CCSER1: variants seen among roughly 807,000 people sequenced by gnomAD.
CCSER1 encodes the protein coiled-coil serine rich protein 1.
Under a neutral mutation model 82.0 loss-of-function variants are expected in CCSER1, and 41 were observed. The ratio of observed to expected loss-of-function variants is 0.50; its 90% CI spans 0.39 to 0.65. The LOEUF is 0.65. Among genes scored for constraint, CCSER1 ranks in the 30% least tolerant of loss-of-function variants. The pLI is 0.00. For missense variants in CCSER1, 1,119 were observed against 1,064.2 expected (o/e 1.05, Z -0.72); for synonymous variants, 414 against 383.9 (o/e 1.08, Z -0.92).
chr4:90,830,746 C>T (rs1761020478), intron 8 of CCSER1, among the ~76,000 whole-genome samples: 1 of 152,120 alleles, frequency 6.6e-6, no homozygotes, highest in Non-Finnish European at 1.5e-5. Flanking sequence ...CAGCCAAACA[C>T]ACCCTTCCTT....
intron 1 of CCSER1, among the ~76,000 whole-genome samples, chr4:90,247,964 T>C (rs1721741044): frequency 6.6e-6 from 1 of 152,110 alleles, no homozygotes; most frequent in Non-Finnish European, 1.5e-5. Context: ...CCAATATATC[T>C]TTTTTGGGTC....
At chr4:91,254,951 A>G (rs1267840940) in intron 10 of CCSER1, among the ~76,000 whole-genome samples, 1 of 152,076 alleles carries the variant, frequency 6.6e-6, no homozygotes, top group African/African-American at 2.4e-5. Flanking sequence ...CCATCATTCT[A>G]TTATCTCTAT....
intron 5 of CCSER1, among the ~76,000 whole-genome samples, chr4:90,470,005 T>G (rs1764154850): frequency 6.6e-6 from 1 of 152,206 alleles, no homozygotes; most frequent in South Asian, 2.1e-4. Context: ...GTTTCAGATT[T>G]TAGAACATTG....
chr4:90,827,516 C>T (rs1760622687), intron 8 of CCSER1, among the ~76,000 whole-genome samples: 1 of 152,164 alleles, frequency 6.6e-6, no homozygotes. Context: ...CCTACAGCCA[C>T]TTCTTCCAGC....
chr4:90,970,150 T>A (rs980508989), intron 9 of CCSER1, among the ~76,000 whole-genome samples: 2 of 151,730 alleles, frequency 1.3e-5, no homozygotes, highest in Non-Finnish European at 2.9e-5. Flanking sequence ...CCAGTAAAAA[T>A]AGATAGAGTG....
intron 4 of CCSER1, among the ~76,000 whole-genome samples, chr4:90,419,334 G>T (rs1756333270): frequency 6.6e-6 from 1 of 151,882 alleles, no homozygotes; most frequent in East Asian, 1.9e-4. Context: ...TAGTAATCCT[G>T]TCATACATTT....
Position 90,628,464 on chromosome 4 carries a change from T to C in CCSER1, c.1932+232T>C, listed in dbSNP as rs117515701. ...AGTTTACGAAATACTTAAAAAAGAATAAATTGATCCCAAGCATCCCCCTAT... is the reference window on the plus strand; with the variant it reads ...AGTTTACGAAATACTTAAAAAAGAACAAATTGATCCCAAGCATCCCCCTAT... On this transcript the variant is annotated intron_variant, in intron 6 of 10. Coordinates refer to ENST00000509176, the MANE Select transcript of CCSER1 (RefSeq NM_001145065.2). Among the ~76,000 whole-genome samples, 122 of 152,290 alleles carry C rather than the reference T, an allele frequency of 8.0e-4. 1 individual carries two copies. The East Asian group carries it at 0.017, about 21-fold the overall frequency.
At chr4:90,906,545 T>C (rs1052575115) in intron 8 of CCSER1, among the ~76,000 whole-genome samples, 5 of 152,038 alleles carry the variant, frequency 3.3e-5, no homozygotes, top group Non-Finnish European at 1.5e-5. Flanking sequence ...TTTATACACA[T>C]TGAAATTAAA....
chr4:91,472,831 T>G (rs984133041), intron 10 of CCSER1, among the ~76,000 whole-genome samples: 1 of 152,158 alleles, frequency 6.6e-6, no homozygotes, highest in Non-Finnish European at 1.5e-5. Flanking sequence ...GATGGATACT[T>G]TAGCTGCAAA....
At chr4:91,439,354 A>G (rs1291839432) in intron 10 of CCSER1, among the ~76,000 whole-genome samples, 1 of 152,148 alleles carries the variant, frequency 6.6e-6, no homozygotes, top group Non-Finnish European at 1.5e-5. Context: ...AGAATTTTCA[A>G]CCCAGAATTT....
chr4:90,408,416 A>G (rs555919313), intron 4 of CCSER1, among the ~76,000 whole-genome samples: 1 of 152,242 alleles, frequency 6.6e-6, no homozygotes, highest in East Asian at 1.9e-4. Flanking sequence ...ACACGGCCGG[A>G]TACTCCTCTG....
At position 90,745,676 on chromosome 4, in the gene CCSER1, ATCTTT is replaced by A. The variant is rs1747300008; in HGVS notation, c.2010+21687_2010+21691del. Among the ~76,000 whole-genome samples, 3 of 95,702 alleles carry A rather than the reference ATCTTT, an allele frequency of 3.1e-5. No homozygotes were observed. The East Asian group carries it at 1.1e-3, about 34-fold the overall frequency. 62.8% of individuals were successfully genotyped at this position (95,702 alleles called of 152,430 possible). A position where few individuals can be genotyped will look rare whatever the true frequency, so the allele number is the denominator to read the frequency against. The stretch of plus-strand genomic sequence containing the variant: ...CTGAATTACACAAGCTATTTCTTTT[ATCTTT>A]TTTTTTTTTTTTTTTTTTTTTTTTT... On this transcript the variant is annotated intron_variant, in intron 7 of 10. Transcript: ENST00000509176.
At chr4:91,120,313 CAAAG>C (rs1310323916) in intron 10 of CCSER1, among the ~76,000 whole-genome samples, 2 of 151,830 alleles carry the variant, frequency 1.3e-5, no homozygotes, top group African/African-American at 2.4e-5. Flanking sequence ...TTGCATGAGA[CAAAG>C]AGACAGAGGT....
chr4:91,144,798 GT>G (rs544519292), intron 10 of CCSER1, among the ~76,000 whole-genome samples: 2 of 151,442 alleles, frequency 1.3e-5, no homozygotes, highest in Non-Finnish European at 3.0e-5. Flanking sequence ...TTGATTTCTA[GT>G]TTTTTTTCTA....
chr4:90,884,321 G>A (rs943679392), intron 8 of CCSER1, among the ~76,000 whole-genome samples: 1 of 152,122 alleles, frequency 6.6e-6, no homozygotes, highest in Non-Finnish European at 1.5e-5. Flanking sequence ...AGAAAAATGT[G>A]TAAAAGTAGC....
At chr4:91,526,479 G>A (rs1020373940) in intron 10 of CCSER1, among the ~76,000 whole-genome samples, 31 of 152,006 alleles carry the variant, frequency 2.0e-4, no homozygotes, top group African/African-American at 7.0e-4. Flanking sequence ...CTGTGTCATG[G>A]GCCATGAATA....
chr4:91,035,006 T>C (rs999696602), intron 9 of CCSER1, among the ~76,000 whole-genome samples: 1 of 152,144 alleles, frequency 6.6e-6, no homozygotes, highest in African/African-American at 2.4e-5. Context: ...TTTATGTATG[T>C]GAGGCTTGTT....
At chr4:91,033,196 T>G (rs770200175) in intron 9 of CCSER1, among the ~76,000 whole-genome samples, 1 of 152,114 alleles carries the variant, frequency 6.6e-6, no homozygotes, top group Non-Finnish European at 1.5e-5. Context: ...AAAGATATTC[T>G]CATGAAGACA....
intron 9 of CCSER1, among the ~76,000 whole-genome samples, chr4:91,059,379 G>T (rs531876552): frequency 1.1e-5 from 1 of 91,284 alleles, no homozygotes; most frequent in South Asian, 3.2e-4. Context: ...GTGTGCGCAT[G>T]CACACCTGTG....
Sources: allele counts gnomAD v4.1 joint callset (sites outside exome capture counted in the v4.1 genomes callset), GRCh38; gene constraint gnomAD v4.1.1; transcripts MANE v1.5; gene names NCBI Gene and HGNC (gene_info 2026-07-23, HGNC 2026-07-21).